Variants in RNF121 observed in about 807,000 individuals in gnomAD.
RNF121 encodes the protein ring finger protein 121, also known as E3 ubiquitin ligase RNF121.
RNF121 carries 21 observed loss-of-function variants against 46.5 expected under a neutral mutation model. The ratio of observed to expected loss-of-function variants is 0.45; its 90% confidence interval spans 0.32 to 0.65. RNF121 has a LOEUF of 0.65. Ranked by LOEUF, RNF121 falls within the 30% of genes least tolerant of loss-of-function variation. The pLI is 0.04. For missense variants in RNF121, 346 were observed against 416.0 expected (o/e 0.83, Z 1.46); for synonymous variants, 139 against 144.7 (o/e 0.96, Z 0.28).
rs1208349296 is a variant in RNF121 at position 71,997,302 on chromosome 11, A to G, written c.*987A>G. On this transcript the variant is annotated 3_prime_UTR_variant, in exon 9 of 9. Coordinates refer to ENST00000361756, the MANE Select transcript of RNF121 (RefSeq NM_018320.5). ...GATATGTCCTTGAAGCTGGCAGGGG[A>G]TTCCCAGTCCAGGGAATATCCCTAC... 1 of 152,028 alleles carries G rather than the reference A, an allele frequency of 6.6e-6. No homozygotes were observed. The highest frequency in any genetic ancestry group is 1.5e-5 in the Non-Finnish European group (1 of 68,028). The allele number at this position is 152,028 out of a possible 1,614,324, so 9.4% of individuals were successfully genotyped here. A position where few individuals can be genotyped will look rare whatever the true frequency, so the allele number is the denominator to read the frequency against.
At chr11:71,937,909 T>C (rs1953458897) in intron 1 of RNF121, among the ~76,000 whole-genome samples, 1 of 152,202 alleles carries the variant, frequency 6.6e-6, no homozygotes, top group Non-Finnish European at 1.5e-5. Context: ...TTGCTACCTC[T>C]ACTCCTCAGA....
intron 6 of RNF121, among the ~76,000 whole-genome samples, chr11:71,992,131 T>C (rs2134219436): frequency 6.6e-6 from 1 of 152,264 alleles, no homozygotes; most frequent in African/African-American, 2.4e-5. Flanking sequence ...ACAAAATGTA[T>C]AATAATCATG....
rs764375467 is a variant in RNF121, at chr11:71,948,344, C to T, written c.64-8883C>T. Reference sequence around the variant, plus strand: ...CAGCCTTGTCAACGTGGTGAAACCCCATCTTTACTAAACGTACAAAAATTA... The same window carrying T: ...CAGCCTTGTCAACGTGGTGAAACCCTATCTTTACTAAACGTACAAAAATTA... On this transcript the variant is annotated intron_variant, in intron 1 of 8. Coordinates refer to ENST00000361756, the MANE Select transcript of RNF121 (RefSeq NM_018320.5). Among the ~76,000 whole-genome samples the T allele has an allele frequency of 6.8e-4, 104 of 151,926 alleles. 1 individual carries two copies. The highest frequency in any genetic ancestry group is 7.9e-4 in the Non-Finnish European group (54 of 67,954).
intron 5 of RNF121, among the ~76,000 whole-genome samples, chr11:71,989,749 T>C (rs1170991453): frequency 6.6e-6 from 1 of 152,220 alleles, no homozygotes; most frequent in Non-Finnish European, 1.5e-5. Context: ...TTAAATAGAC[T>C]TGGACCAAAA....
chr11:71,932,301 C>G, intron 1 of RNF121, among the ~76,000 whole-genome samples: 1 of 152,138 alleles, frequency 6.6e-6, no homozygotes, highest in Non-Finnish European at 1.5e-5. Flanking sequence ...TGGAGTTAAC[C>G]CCATTTTATA....
At chr11:71,946,233 A>G (rs1318285722) in intron 1 of RNF121, among the ~76,000 whole-genome samples, 1 of 152,246 alleles carries the variant, frequency 6.6e-6, no homozygotes, top group Admixed American at 6.5e-5. Flanking sequence ...CCTCTGATGA[A>G]AGGATAAATA....
chr11:71,987,664 A>T (rs1374777052), intron 5 of RNF121, among the ~76,000 whole-genome samples: 1 of 152,364 alleles, frequency 6.6e-6, no homozygotes, highest in African/African-American at 2.4e-5. Flanking sequence ...GATAAAGACC[A>T]TATGGGCTAC....
At chr11:71,995,321 A>C in intron 7 of RNF121, 129 bp from the exon 8 acceptor site, 1 of 728,312 alleles carries the variant, frequency 1.4e-6, no homozygotes. Context: ...AAACAGGTTC[A>C]GACACAGGGA....
chr11:71,967,053 A>G (rs1374368483), intron 3 of RNF121, among the ~76,000 whole-genome samples: 1 of 147,368 alleles, frequency 6.8e-6, no homozygotes, highest in Non-Finnish European at 1.5e-5. Flanking sequence ...TTGTATTTTT[A>G]GTAGAGACGG....
chr11:71,939,782 A>G (rs998624835), intron 1 of RNF121, among the ~76,000 whole-genome samples: 3 of 152,182 alleles, frequency 2.0e-5, no homozygotes, highest in African/African-American at 4.8e-5. Flanking sequence ...AAAAGTCACT[A>G]TGTATTTATT....
At chr11:71,939,772 A>G (rs1454827718) in intron 1 of RNF121, among the ~76,000 whole-genome samples, 1 of 152,208 alleles carries the variant, frequency 6.6e-6, no homozygotes, top group Non-Finnish European at 1.5e-5. Context: ...CATTATTTTC[A>G]AAAGTCACTA....
chr11:71,957,114 A>T, intron 1 of RNF121, 113 bp from the exon 2 acceptor site: 1 of 796,750 alleles, frequency 1.3e-6, no homozygotes, highest in Non-Finnish European at 2.3e-6. Flanking sequence ...AGAGATACTA[A>T]GACTTGAAGC....
At chr11:71,942,933 T>G (rs75700850) in intron 1 of RNF121, among the ~76,000 whole-genome samples, 4,342 of 152,188 alleles carry the variant, frequency 0.029, 225 homozygotes, top group African/African-American at 0.099. Context: ...GGGCTCCTTG[T>G]TGCTGTGTCT....
intron 3 of RNF121, among the ~76,000 whole-genome samples, chr11:71,981,050 C>T (rs1213638452): frequency 6.6e-6 from 1 of 151,446 alleles, no homozygotes; most frequent in African/African-American, 2.4e-5. Context: ...AGAGTAAATA[C>T]TTTCTTTTTT....
intron 3 of RNF121, among the ~76,000 whole-genome samples, chr11:71,972,727 C>T (rs531854399): frequency 7.2e-5 from 11 of 152,096 alleles, no homozygotes; most frequent in South Asian, 2.1e-4. Flanking sequence ...CCCTGGGAAA[C>T]AAAATCATCC....
intron 3 of RNF121, among the ~76,000 whole-genome samples, chr11:71,968,888 CTTT>C (rs10686485): frequency 2.2e-5 from 3 of 134,630 alleles, no homozygotes; most frequent in Non-Finnish European, 1.5e-5. Context: ...TTCTTTCTTT[CTTT>C]TTTTTTTTTT....
chr11:71,956,274 A>G (rs1432793837), intron 1 of RNF121, among the ~76,000 whole-genome samples: 1 of 152,192 alleles, frequency 6.6e-6, no homozygotes, highest in African/African-American at 2.4e-5. Context: ...TTTCAGCTCA[A>G]TTCAGTATAA....
At chr11:71,957,104 A>C in intron 1 of RNF121, 123 bp from the exon 2 acceptor site, 1 of 776,492 alleles carries the variant, frequency 1.3e-6, no homozygotes, top group Non-Finnish European at 2.4e-6. Flanking sequence ...AAGGCTTCAT[A>C]GAGATACTAA....
At chr11:71,966,145 G>A (rs958549392) in intron 3 of RNF121, among the ~76,000 whole-genome samples, 3 of 151,864 alleles carry the variant, frequency 2.0e-5, no homozygotes, top group African/African-American at 7.3e-5. Flanking sequence ...TCAGCATCCC[G>A]AGTAGCTGGG....
Sources: allele counts gnomAD v4.1 joint callset (sites outside exome capture counted in the v4.1 genomes callset), GRCh38; gene constraint gnomAD v4.1.1; transcripts MANE v1.5; gene names NCBI Gene and HGNC (gene_info 2026-07-23, HGNC 2026-07-21).